The following ATP10B variants were observed in gnomAD, a reference collection of about 807,000 sequenced individuals.
ATP10B encodes the protein ATPase phospholipid transporting 10B (putative), also known as phospholipid-transporting ATPase VB.
In ATP10B, 122 loss-of-function variants were observed where a neutral mutation model predicts 141.2. The observed-to-expected ratio is 0.86, with a 90% confidence interval of 0.75 to 1.00. The LOEUF is 1.00. ATP10B is among the 50% of genes least tolerant of loss of function. ATP10B has a pLI of 0.00. For missense variants in ATP10B, 1,876 were observed against 1,825.3 expected, an observed-to-expected ratio of 1.03 and a Z score of -0.51; for synonymous variants, 685 against 692.0, an observed-to-expected ratio of 0.99 and a Z score of 0.16.
At chr5:160,621,288 C>A (rs1408900157) in intron 14 of ATP10B, among the ~76,000 whole-genome samples, 2 of 152,204 alleles carry the variant, frequency 1.3e-5, no homozygotes, top group African/African-American at 4.8e-5. Flanking sequence ...ATCAACCCAA[C>A]TTATGGCTGA....
chr5:160,652,445 A>C (rs896957244), intron 7 of ATP10B, among the ~76,000 whole-genome samples: 4 of 125,812 alleles, frequency 3.2e-5, no homozygotes, highest in African/African-American at 1.6e-4. Context: ...TTATTTATTT[A>C]TTTATTTATT....
intron 1 of ATP10B, among the ~76,000 whole-genome samples, chr5:160,836,043 A>G (rs1195776234): frequency 6.6e-6 from 1 of 152,152 alleles, no homozygotes; most frequent in Non-Finnish European, 1.5e-5. Context: ...TGGAAGCTAA[A>G]TAAAGTGTTC....
upstream of ATP10B, among the ~76,000 whole-genome samples, chr5:160,857,030 C>G (rs1437019499): frequency 6.6e-6 from 1 of 151,608 alleles, no homozygotes; most frequent in East Asian, 1.9e-4. Context: ...ATTTTTTATA[C>G]TGTTTTTCCT....
chr5:160,833,648 T>C (rs1205179870), intron 1 of ATP10B, among the ~76,000 whole-genome samples: 2 of 152,064 alleles, frequency 1.3e-5, no homozygotes, highest in African/African-American at 2.4e-5. Context: ...ACAAATATTA[T>C]AAAATAACTA....
chr5:160,704,374 A>G (rs1357047183), intron 3 of ATP10B, among the ~76,000 whole-genome samples: 1 of 152,146 alleles, frequency 6.6e-6, no homozygotes, highest in East Asian at 1.9e-4. Flanking sequence ...AATCTTTTGA[A>G]AAAATTTTTT....
At chr5:160,721,095 A>T (rs906965033) in intron 2 of ATP10B, among the ~76,000 whole-genome samples, 2 of 152,154 alleles carry the variant, frequency 1.3e-5, no homozygotes, top group African/African-American at 4.8e-5. Flanking sequence ...GAAAGTTGCC[A>T]TCTGGGCCTT....
At chr5:160,714,588 A>T (rs2127773765) in intron 3 of ATP10B, among the ~76,000 whole-genome samples, 2 of 128,312 alleles carry the variant, frequency 1.6e-5, no homozygotes, top group Admixed American at 7.9e-5. Flanking sequence ...GAGTAATTTG[A>T]TCGTCTGAAG....
At chr5:160,610,681 GAGA>G (rs1178245688) in intron 18 of ATP10B, among the ~76,000 whole-genome samples, 1 of 152,154 alleles carries the variant, frequency 6.6e-6, no homozygotes, top group Non-Finnish European at 1.5e-5. Flanking sequence ...TACAGATGAA[GAGA>G]AGTTCAAGAA....
rs533877981 is a variant in ATP10B at position 160,594,725 on chromosome 5, C to G, written c.3565-3586G>C. On this transcript the variant is annotated intron_variant, in intron 22 of 25. Coordinates refer to ENST00000327245, the MANE Select transcript of ATP10B (RefSeq NM_025153.3). ...CAAGCAAATGGAAAACAAAAAAAGG[C>G]AGGGGTTGCAATCCTAGTCTCTGAT... Among the ~76,000 whole-genome samples, 1,425 of 151,086 alleles carry G rather than the reference C, an allele frequency of 9.4e-3. 23 individuals are homozygous for G. Among genetic ancestry groups the G allele is most frequent in the African/African-American group, 0.03 (1,241 of 41,178 alleles).
intron 1 of ATP10B, among the ~76,000 whole-genome samples, chr5:160,828,379 A>T (rs1055068559): frequency 6.6e-6 from 1 of 152,124 alleles, no homozygotes; most frequent in African/African-American, 2.4e-5. Flanking sequence ...AAACAACCCC[A>T]TCAAAAAGTG....
intron 21 of ATP10B, among the ~76,000 whole-genome samples, chr5:160,599,236 A>G (rs962311679): frequency 2.0e-5 from 3 of 152,208 alleles, no homozygotes; most frequent in Non-Finnish European, 4.4e-5. Context: ...TTCACTTAAC[A>G]TTGCCAATAG....
chr5:160,706,766 T>A (rs1765039213), intron 3 of ATP10B, among the ~76,000 whole-genome samples: 5 of 152,128 alleles, frequency 3.3e-5, no homozygotes, highest in Non-Finnish European at 2.9e-5. Context: ...TACAGGACAA[T>A]GAACTAAACA....
chr5:160,759,855 G>C (rs115768924), intron 2 of ATP10B, among the ~76,000 whole-genome samples: 4 of 152,118 alleles, frequency 2.6e-5, no homozygotes, highest in African/African-American at 9.7e-5. Flanking sequence ...TCTATTTCCT[G>C]TTTCAATATA....
At chr5:160,643,987 C>A in intron 9 of ATP10B, 151 bp downstream of exon 9, 1 of 640,432 alleles carries the variant, frequency 1.6e-6, no homozygotes, top group Non-Finnish European at 2.8e-6. Flanking sequence ...CTGTGATTCC[C>A]AGCCTCCGTT....
At chr5:160,893,650 T>C in the ATP10B span, among the ~76,000 whole-genome samples, 1 of 152,194 alleles carries the variant, frequency 6.6e-6, no homozygotes, top group African/African-American at 2.4e-5. Context: ...GCCTGCCAGC[T>C]CTGAAGAGAG....
chr5:160,765,616 G>T (rs1158635890), intron 2 of ATP10B, among the ~76,000 whole-genome samples: 1 of 152,040 alleles, frequency 6.6e-6, no homozygotes, highest in Non-Finnish European at 1.5e-5. Flanking sequence ...AATTCTAGAA[G>T]ATAATATCAG....
intron 22 of ATP10B, among the ~76,000 whole-genome samples, chr5:160,593,755 G>C (rs1354419411): frequency 1.3e-5 from 2 of 152,208 alleles, no homozygotes; most frequent in African/African-American, 4.8e-5. Flanking sequence ...CGAGAACTAC[G>C]TGAAGAATGC....
intron 2 of ATP10B, among the ~76,000 whole-genome samples, chr5:160,763,866 A>G (rs1769216540): frequency 6.6e-6 from 1 of 152,192 alleles, no homozygotes; most frequent in Non-Finnish European, 1.5e-5. Flanking sequence ...TAGAAACAAG[A>G]TGGGGGACGT....
At chr5:160,774,228 G>A (rs949330209) in intron 2 of ATP10B, among the ~76,000 whole-genome samples, 7 of 152,114 alleles carry the variant, frequency 4.6e-5, no homozygotes, top group Admixed American at 1.3e-4. Flanking sequence ...TGGAGGTCCC[G>A]GCAACTTAAT....
Sources: gnomAD v4.1 joint callset for allele counts (sites outside exome capture counted in the v4.1 genomes callset) on GRCh38, gnomAD v4.1.1 for gene constraint, MANE v1.5 for transcripts, NCBI Gene and HGNC (gene_info 2026-07-23, HGNC 2026-07-21) for gene names.